Variants in CLASP2 observed in about 807,000 individuals in gnomAD.
CLASP2 encodes the protein cytoplasmic linker associated protein 2.
A neutral mutation model predicts 194.4 loss-of-function variants in CLASP2; 47 were observed. The ratio of observed to expected loss-of-function variants is 0.24; its 90% CI spans 0.19 to 0.31. CLASP2 has a LOEUF of 0.31. CLASP2 is among the 10% of genes least tolerant of loss of function. The probability of loss-of-function intolerance (pLI) is 1.00; values close to 1 mark genes in which losing one functional copy is unlikely to be tolerated. For synonymous variants in CLASP2, 619 were observed against 633.5 expected, an observed-to-expected ratio of 0.98 and a Z score of 0.34; for missense variants, 1,445 against 1,823.6, an observed-to-expected ratio of 0.79 and a Z score of 3.78.
chr3:33,697,430 G>A (rs1207880549), intron 1 of CLASP2, among the ~76,000 whole-genome samples: 1 of 152,166 alleles, frequency 6.6e-6, no homozygotes. Flanking sequence ...TAATACAATG[G>A]TATTTGCGTA....
intron 23 of CLASP2, 51 bp downstream of exon 23, chr3:33,581,770 G>T: frequency 7.9e-7 from 1 of 1,267,960 alleles, no homozygotes; most frequent in Non-Finnish European, 1.1e-6. Flanking sequence ...TTAACAGATA[G>T]TGATAACACC....
At chr3:33,677,117 T>C (rs986534974) in intron 6 of CLASP2, among the ~76,000 whole-genome samples, 3 of 152,084 alleles carry the variant, frequency 2.0e-5, no homozygotes, top group East Asian at 1.9e-4. Flanking sequence ...GACTGTAAAC[T>C]AGTTCAACCA....
Position 33,634,624 on chromosome 3 carries a change from T to C in CLASP2, c.863-2253A>G, listed in dbSNP as rs907962808. Reference sequence around the variant, plus strand: ...ATTTCAAGAGATCTATTGTACAACATGACTACAGTTAACAACAATGCATTG... The same window carrying C: ...ATTTCAAGAGATCTATTGTACAACACGACTACAGTTAACAACAATGCATTG... On this transcript the variant is annotated intron_variant, in intron 8 of 38. Coordinates refer to ENST00000682230, the MANE Select transcript of CLASP2 (RefSeq NM_001365631.1). Among the ~76,000 whole-genome samples, 4 of 152,356 alleles carry C rather than the reference T, an allele frequency of 2.6e-5. No homozygotes were observed. The South Asian group carries it at 6.2e-4, about 24-fold the overall frequency.
chr3:33,561,981 G>C (rs187866191), intron 27 of CLASP2, among the ~76,000 whole-genome samples: 1 of 152,024 alleles, frequency 6.6e-6, no homozygotes, highest in Non-Finnish European at 1.5e-5. Context: ...AGAACTAAGA[G>C]TTTTGCTCTC....
rs151288466 is a variant in CLASP2, at chr3:33,605,641, CAG to C, written c.1694+948_1694+949del. Among the ~76,000 whole-genome samples, 1,023 of 152,152 alleles carry C rather than the reference CAG, an allele frequency of 6.7e-3. 10 individuals are homozygous for C. The highest frequency in any genetic ancestry group is 0.021 in the African/African-American group (893 of 41,540). On this transcript the variant is annotated intron_variant, in intron 16 of 38. Coordinates refer to ENST00000682230, the MANE Select transcript of CLASP2 (RefSeq NM_001365631.1). ...AAATTACAGAGAAGTTTTTTGGAAA[CAG>C]AGTCTCACTCTGTTTCCCAGGCTGG...
chr3:33,694,743 G>A (rs184956076), intron 2 of CLASP2, among the ~76,000 whole-genome samples: 1 of 152,278 alleles, frequency 6.6e-6, no homozygotes, highest in East Asian at 1.9e-4. Flanking sequence ...GAATTTTCAT[G>A]TAAAACTTCT....
At chr3:33,531,021 C>G (rs765608168) in intron 34 of CLASP2, among the ~76,000 whole-genome samples, 4 of 152,078 alleles carry the variant, frequency 2.6e-5, no homozygotes, top group Non-Finnish European at 5.9e-5. Flanking sequence ...CAAATAGTCA[C>G]AACAGTCTTG....
At chr3:33,573,729 T>C (rs907895711) in intron 24 of CLASP2, among the ~76,000 whole-genome samples, 1 of 151,998 alleles carries the variant, frequency 6.6e-6, no homozygotes, top group Non-Finnish European at 1.5e-5. Flanking sequence ...AAGAAGAAAA[T>C]ATTACCTTTT....
rs754887404 is a variant in CLASP2, at chr3:33,626,996, C to T, written c.1027G>A (p.Ala343Thr). 1.3e-6 allele frequency: 2 copies of T among 1,583,774 alleles called. No individual in the cohort carries two copies. The highest frequency in any genetic ancestry group is 4.5e-5 in the East Asian group (2 of 44,362). Residue 343 changes from alanine to threonine, a missense_variant, in exon 10 of 39, where the codon GCC becomes ACC. By Grantham distance (58) the Ala-to-Thr change is moderately conservative (BLOSUM62 0). Transcript: ENST00000682230. ...SDDKHDWDQR[A>T]NALKKIRSLL... ...TAAAGACAAAAACTTACTGCATTGG[C>T]ACGCTGATCCCAGTCATGTTTATCA...
At chr3:33,518,626 T>C (rs187589473) in intron 34 of CLASP2, among the ~76,000 whole-genome samples, 185 of 152,366 alleles carry the variant, frequency 1.2e-3, no homozygotes, top group African/African-American at 4.2e-3. Flanking sequence ...TTATAACTTA[T>C]CAGACTTTCA....
intron 1 of CLASP2, among the ~76,000 whole-genome samples, chr3:33,717,317 AT>A (rs2093342450): frequency 6.6e-6 from 1 of 152,072 alleles, no homozygotes; most frequent in Non-Finnish European, 1.5e-5. Flanking sequence ...TGAATTTGTC[AT>A]TGTCCACAAG....
At chr3:33,521,732 C>T (rs578241219) in intron 34 of CLASP2, among the ~76,000 whole-genome samples, 1 of 152,288 alleles carries the variant, frequency 6.6e-6, no homozygotes, top group South Asian at 2.1e-4. Context: ...GACTCTGTCT[C>T]CTCAACCAGA....
chr3:33,610,139 A>G (rs929720179), intron 13 of CLASP2, among the ~76,000 whole-genome samples: 5 of 152,232 alleles, frequency 3.3e-5, no homozygotes, highest in East Asian at 1.9e-4. Context: ...TCCATGAATT[A>G]TAACAACTCC....
At position 33,551,496 on chromosome 3, in the gene CLASP2, T is replaced by TA. The variant is rs1553756311; in HGVS notation, c.3010-102_3010-101insT. On this transcript the variant is annotated intron_variant, in intron 29 of 38. Coordinates refer to ENST00000682230, the MANE Select transcript of CLASP2 (RefSeq NM_001365631.1). The stretch of plus-strand genomic sequence containing the variant: ...CAGGTGATGATGATGATTTTTTTTT[T>TA]TATATACAGATAGGGTCTTACTATG... The TA allele has an allele frequency of 4.4e-4, 543 of 1,228,876 alleles. 2 individuals are homozygous for TA. The South Asian group carries it at 4.8e-3, about 11-fold the overall frequency. 76.1% of individuals were successfully genotyped at this position (1,228,876 alleles called of 1,614,324 possible).
At chr3:33,708,659 C>T (rs2092851028) in intron 1 of CLASP2, among the ~76,000 whole-genome samples, 1 of 151,500 alleles carries the variant, frequency 6.6e-6, no homozygotes, top group South Asian at 2.1e-4. Context: ...AATAATGGTG[C>T]AATGAACAAG....
intron 7 of CLASP2, 25 bp downstream of exon 7, chr3:33,663,420 T>C: frequency 6.3e-7 from 1 of 1,589,400 alleles, no homozygotes; most frequent in Non-Finnish European, 8.6e-7. Context: ...GTCTTAGAAA[T>C]GTTTGAGAGC....
intron 20 of CLASP2, 36 bp from the exon 21 acceptor site, chr3:33,592,532 T>G: frequency 6.8e-7 from 1 of 1,478,572 alleles, no homozygotes; most frequent in Non-Finnish European, 9.3e-7. Flanking sequence ...TAAAAACATT[T>G]TTCTATAATA....
intron 24 of CLASP2, chr3:33,573,588 C>CTA (rs929773183): frequency 2.2e-5 from 12 of 549,014 alleles, no homozygotes; most frequent in African/African-American, 2.1e-4. Flanking sequence ...CAGAGTAAGA[C>CTA]TATATGGAAG....
At chr3:33,588,123 G>A (rs765485525) in intron 21 of CLASP2, among the ~76,000 whole-genome samples, 4 of 152,008 alleles carry the variant, frequency 2.6e-5, no homozygotes, top group Non-Finnish European at 5.9e-5. Context: ...AAATAAAATT[G>A]TCAGTGTTCA....
Sources: allele counts gnomAD v4.1 joint callset (sites outside exome capture counted in the v4.1 genomes callset), GRCh38; gene constraint gnomAD v4.1.1; transcripts MANE v1.5; gene names NCBI Gene and HGNC (gene_info 2026-07-23, HGNC 2026-07-21).